The following TARBP1 variants were observed in gnomAD, a reference collection of about 807,000 sequenced individuals.
TARBP1 encodes tRNA guanosine 2 -O-methyltransferase TARBP1, also known as tRNA (guanosine(18)-2'-O)-methyltransferase TARBP1.
Under a neutral mutation model 178.6 loss-of-function variants are expected in TARBP1, and 144 were observed. The observed-to-expected ratio is 0.81, with a 90% CI of 0.70 to 0.93. The LOEUF is 0.93. Ranked by LOEUF, TARBP1 falls within the 40% of genes least tolerant of loss-of-function variation. The pLI, the probability that TARBP1 is intolerant of heterozygous loss-of-function variation, is 0.00. For synonymous variants in TARBP1, 787 were observed against 781.0 expected, an observed-to-expected ratio of 1.01 and a Z score of -0.13; for missense variants, 2,067 against 2,011.7, an observed-to-expected ratio of 1.03 and a Z score of -0.53.
Position 234,411,285 on chromosome 1 carries a change from A to G in TARBP1, c.3706-754T>C, listed in dbSNP as rs1661793533. ...AAGTAATCTAAGATTATTAAAGTATATGGGAGGATACACATCAGTTATGTG... is the reference window on the plus strand; with the variant it reads ...AAGTAATCTAAGATTATTAAAGTATGTGGGAGGATACACATCAGTTATGTG... On this transcript the variant is annotated intron_variant, in intron 22 of 29. Transcript: ENST00000040877. Among the ~76,000 whole-genome samples the G allele has an allele frequency of 2.0e-5, 3 of 152,276 alleles. 1 individual carries two copies. Among genetic ancestry groups the G allele is most frequent in the Non-Finnish European group, 4.4e-5 (3 of 68,052 alleles).
chr1:234,466,087 GA>G (rs149544278), intron 4 of TARBP1, among the ~76,000 whole-genome samples: 12,657 of 151,852 alleles, frequency 0.083, 920 homozygotes, highest in East Asian at 0.27. Flanking sequence ...GGATAAAGAG[GA>G]AAAAAATTAT....
intron 24 of TARBP1, among the ~76,000 whole-genome samples, chr1:234,403,064 G>A (rs1012876855): frequency 1.3e-5 from 2 of 151,878 alleles, no homozygotes; most frequent in Non-Finnish European, 2.9e-5. Flanking sequence ...ACTCTCTCTT[G>A]CTCACCTCCG....
intron 7 of TARBP1, 97 bp from the exon 8 acceptor site, chr1:234,459,423 C>G: frequency 1.1e-6 from 1 of 895,652 alleles, no homozygotes; most frequent in Non-Finnish European, 1.7e-6. Flanking sequence ...ACTACACTTC[C>G]TAATGCAGAA....
At chr1:234,407,271 C>A in intron 23 of TARBP1, 1 of 152,114 alleles carries the variant, frequency 6.6e-6, no homozygotes, top group East Asian at 1.9e-4. Context: ...TCACGCTCCC[C>A]CTCCCTCAGG....
rs759440891 is a variant in TARBP1, at chr1:234,459,335, G to A, written c.1536-9C>T. ...TGCAATGAATAACATCCCTGACATCGAAACACAAAAAATGCAGTTCCGTAT... is the reference window on the plus strand; with the variant it reads ...TGCAATGAATAACATCCCTGACATCAAAACACAAAAAATGCAGTTCCGTAT... On this transcript the variant is annotated splice_polypyrimidine_tract_variant and intron_variant, in intron 7 of 29. Transcript: ENST00000040877. 14 of 1,590,346 alleles carry A rather than the reference G, an allele frequency of 8.8e-6. No individual in the cohort carries two copies. In the East Asian group the frequency reaches 9.0e-5, roughly 10 times the overall value.
intron 1 of TARBP1, among the ~76,000 whole-genome samples, chr1:234,475,968 G>A (rs1046415933): frequency 2.6e-5 from 4 of 152,028 alleles, no homozygotes; most frequent in East Asian, 3.9e-4. Flanking sequence ...ACAAAGTAAC[G>A]GTGCCTATCC....
At chr1:234,470,491 A>C (rs961816301) in intron 3 of TARBP1, among the ~76,000 whole-genome samples, 2 of 152,168 alleles carry the variant, frequency 1.3e-5, no homozygotes, top group Non-Finnish European at 2.9e-5. Flanking sequence ...GTTATTAAAG[A>C]GGGTGGTAGG....
At chr1:234,448,833 C>T (rs1666447252) in intron 10 of TARBP1, among the ~76,000 whole-genome samples, 1 of 152,174 alleles carries the variant, frequency 6.6e-6, no homozygotes, top group South Asian at 2.1e-4. Flanking sequence ...CCAGTGTTTC[C>T]TGTGCTCATG....
chr1:234,391,803 G>T (rs1007978415), intron 29 of TARBP1, 58 bp from the exon 30 acceptor site: 1 of 1,515,820 alleles, frequency 6.6e-7, no homozygotes, highest in Non-Finnish European at 8.9e-7. Flanking sequence ...TTTTCTCTTT[G>T]ATATTCTTTT....
chr1:234,427,899 A>G (rs1663966290), intron 17 of TARBP1, 133 bp from the exon 18 acceptor site: 2 of 496,750 alleles, frequency 4.0e-6, no homozygotes, highest in Non-Finnish European at 6.5e-6. Context: ...TGTTAGAATA[A>G]CTTTGCGAGA....
At chr1:234,396,866 G>A (rs902332273) in intron 26 of TARBP1, among the ~76,000 whole-genome samples, 2 of 151,950 alleles carry the variant, frequency 1.3e-5, no homozygotes, top group African/African-American at 4.8e-5. Context: ...GAGAAGCACC[G>A]ATGTCAGGGG....
At chr1:234,426,801 A>T (rs1031336008) in intron 19 of TARBP1, among the ~76,000 whole-genome samples, 1 of 152,254 alleles carries the variant, frequency 6.6e-6, no homozygotes, top group Non-Finnish European at 1.5e-5. Context: ...CCCCACACTC[A>T]TCAAGTTGTA....
chr1:234,451,765 A>AC lies in TARBP1; in HGVS notation c.1723-1200_1723-1199insG, dbSNP rs1558229186. 1.0e-4 allele frequency among the ~76,000 whole-genome samples: 15 copies of AC among 143,066 alleles called. 7 individuals are homozygous for AC. Among genetic ancestry groups the AC allele is most frequent in the African/African-American group, 2.5e-4 (10 of 39,532 alleles). 93.9% of individuals were successfully genotyped at this position (143,066 alleles called of 152,430 possible). A position where few individuals can be genotyped will look rare whatever the true frequency, so the allele number is the denominator to read the frequency against. The stretch of plus-strand genomic sequence containing the variant: ...CTCCGTCTCAAAAAAAAAAAAAAAA[A>AC]ATGATGAATGACTGGATCATCGAAG... On this transcript the variant is annotated intron_variant, in intron 9 of 29. Transcript: ENST00000040877.
Position 234,478,398 on chromosome 1 carries a change from G to T in TARBP1, c.706C>A (p.Leu236Met). ...VEEKLLVLSALAEKLLPEPGG... is the reference protein window; with the variant it reads ...VEEKLLVLSAMAEKLLPEPGG... ...GGCTCGGGCAACAGCTTCTCGGCCA[G>T]GGCGCTCAGGACCAGCAGCTTCTCC... Residue 236 changes from leucine to methionine, a missense_variant, in exon 1 of 30, where the codon CTG becomes ATG. By Grantham distance (15) the Leu-to-Met change is conservative. Coordinates refer to ENST00000040877, the MANE Select transcript of TARBP1 (RefSeq NM_005646.4). 2 of 1,358,192 alleles carry T rather than the reference G, an allele frequency of 1.5e-6. No homozygotes were observed. The highest frequency in any genetic ancestry group is 6.9e-5 in the East Asian group (2 of 29,076). The allele number at this position is 1,358,192 out of a possible 1,614,324, so 84.1% of individuals were successfully genotyped here.
intron 24 of TARBP1, 65 bp from the exon 25 acceptor site, chr1:234,401,327 A>C: frequency 1.6e-6 from 2 of 1,254,534 alleles, no homozygotes; most frequent in South Asian, 1.3e-5. Flanking sequence ...GGGAGAATCA[A>C]TTCAGTATCT....
At chr1:234,450,379 T>C (rs1010411041) in intron 10 of TARBP1, 49 bp downstream of exon 10, 11 of 1,476,822 alleles carry the variant, frequency 7.4e-6, no homozygotes, top group Non-Finnish European at 9.1e-6. Flanking sequence ...TAAAAGTTCT[T>C]TGAAAATATT....
Position 234,478,720 on chromosome 1 carries a change from C to G in TARBP1, c.384G>C (p.Leu128=). 1.7e-6 allele frequency: 2 copies of G among 1,200,344 alleles called. No individual in the cohort carries two copies. The highest frequency in any genetic ancestry group is 2.1e-6 in the Non-Finnish European group (2 of 968,230). The allele number at this position is 1,200,344 out of a possible 1,614,324, so 74.4% of individuals were successfully genotyped here. Residue 128 remains leucine (L), a synonymous_variant, in exon 1 of 30, where the codon CTG becomes CTC. Transcript: ENST00000040877. ...CGCCAGGCGCGCGCCACCCGGCGAG[C>G]AGATCGCGCAGCGCCTCCTCAGCCA... ...AALAEEALRD[L]LAGWRAPGAE...
At chr1:234,453,113 A>C (rs1177097968) in intron 9 of TARBP1, among the ~76,000 whole-genome samples, 1 of 152,224 alleles carries the variant, frequency 6.6e-6, no homozygotes, top group African/African-American at 2.4e-5. Context: ...ACTATTCTGT[A>C]CGACACGTCT....
intron 20 of TARBP1, among the ~76,000 whole-genome samples, chr1:234,424,659 C>G (rs1325250403): frequency 6.6e-6 from 1 of 152,190 alleles, no homozygotes; most frequent in African/African-American, 2.4e-5. Flanking sequence ...AGCACAGTAG[C>G]TCACACCTCT....
Sources: gnomAD v4.1 joint callset for allele counts (sites outside exome capture counted in the v4.1 genomes callset) on GRCh38, gnomAD v4.1.1 for gene constraint, MANE v1.5 for transcripts, NCBI Gene and HGNC (gene_info 2026-07-23, HGNC 2026-07-21) for gene names.